ANTXR1: variants seen among roughly 807,000 people sequenced by gnomAD.
ANTXR1 encodes the protein anthrax toxin receptor 1.
In ANTXR1, 19 loss-of-function variants were observed where a neutral mutation model predicts 78.1. That is an observed-to-expected ratio of 0.24 (90% CI 0.17 to 0.36). The LOEUF (loss-of-function observed/expected upper bound fraction) is 0.36. Among genes scored for constraint, ANTXR1 ranks in the 10% least tolerant of loss-of-function variants. ANTXR1 has a pLI of 1.00. For missense variants in ANTXR1, 518 were observed against 718.6 expected (o/e 0.72, Z 3.19); for synonymous variants, 273 against 260.5 (o/e 1.05, Z -0.46).
chr2:69,059,553 A>G (rs2104156545), intron 3 of ANTXR1, among the ~76,000 whole-genome samples: 1 of 151,642 alleles, frequency 6.6e-6, no homozygotes, highest in East Asian at 1.9e-4. Context: ...ATCTTGGCTC[A>G]CTGCAACCTC....
intron 13 of ANTXR1, among the ~76,000 whole-genome samples, chr2:69,153,761 A>AG (rs920659403): frequency 2.0e-5 from 3 of 152,242 alleles, no homozygotes; most frequent in Admixed American, 2.0e-4. Flanking sequence ...TGGTAGCAGC[A>AG]GGCAGTGAAC....
At chr2:69,041,813 AG>A (rs1669623355) in intron 2 of ANTXR1, among the ~76,000 whole-genome samples, 1 of 152,176 alleles carries the variant, frequency 6.6e-6, no homozygotes, top group Non-Finnish European at 1.5e-5. Context: ...GAAGAAACCA[AG>A]GACCAGGGAG....
chr2:69,107,422 T>C (rs980875976), intron 10 of ANTXR1, among the ~76,000 whole-genome samples: 26 of 152,104 alleles, frequency 1.7e-4, no homozygotes, highest in African/African-American at 6.0e-4. Flanking sequence ...GTATTTTTTG[T>C]AGAGACAAGG....
In ANTXR1 at chr2:69,182,648, C is replaced by T. The variant is rs1345432670; in HGVS notation, c.1341C>T (p.Tyr447=). The part of the protein sequence containing the change: ...MRRPSSPRKW[Y]SPIKGKLDAL... ...GGCCTTCTTCCCCCCGGAAGTGGTA[C>T]TCTCCAATCAAGGTGTGTCTCTTTA... is the stretch of plus-strand genomic sequence containing the variant. Residue 447 remains tyrosine (Y), a synonymous_variant, in exon 16 of 18, where the codon TAC becomes TAT. Coordinates refer to ENST00000303714, the MANE Select transcript of ANTXR1 (RefSeq NM_032208.3). 1 of 1,614,156 alleles carries T rather than the reference C, an allele frequency of 6.2e-7. No individual in the cohort carries two copies. Among genetic ancestry groups the T allele is most frequent in the South Asian group, 1.1e-5 (1 of 91,072 alleles).
At chr2:69,036,660 A>G (rs1669437390) in intron 1 of ANTXR1, among the ~76,000 whole-genome samples, 1 of 152,190 alleles carries the variant, frequency 6.6e-6, no homozygotes, top group Middle Eastern at 3.4e-3. Context: ...TTCTGGTTGT[A>G]TGGACCAAAA....
At chr2:69,019,999 A>C (rs1241632516) in intron 1 of ANTXR1, among the ~76,000 whole-genome samples, 1 of 152,178 alleles carries the variant, frequency 6.6e-6, no homozygotes, top group African/African-American at 2.4e-5. Context: ...ATTTAGGTTG[A>C]TTTCATGTCT....
At chr2:69,102,374 A>G (rs1339282844) in intron 9 of ANTXR1, among the ~76,000 whole-genome samples, 1 of 152,252 alleles carries the variant, frequency 6.6e-6, no homozygotes, top group East Asian at 1.9e-4. Flanking sequence ...ACTTTCTAAA[A>G]TGTAGGCACC....
intron 13 of ANTXR1, among the ~76,000 whole-genome samples, chr2:69,168,577 C>T (rs573355276): frequency 6.6e-6 from 1 of 152,258 alleles, no homozygotes; most frequent in East Asian, 1.9e-4. Flanking sequence ...CATCCTGTTC[C>T]CCCTCTCACT....
intron 12 of ANTXR1, among the ~76,000 whole-genome samples, chr2:69,129,764 A>C (rs1437492746): frequency 6.6e-6 from 1 of 151,250 alleles, no homozygotes; most frequent in Non-Finnish European, 1.5e-5. Context: ...AAAAAAAAAG[A>C]GTGTATAAAT....
chr2:69,186,345 A>G (rs1380097443), intron 16 of ANTXR1, among the ~76,000 whole-genome samples: 2 of 152,222 alleles, frequency 1.3e-5, no homozygotes, highest in Non-Finnish European at 2.9e-5. Flanking sequence ...CTCAGGGTTC[A>G]TCCTATTTTA....
intron 12 of ANTXR1, among the ~76,000 whole-genome samples, chr2:69,138,593 A>G (rs1045038002): frequency 6.6e-6 from 1 of 152,216 alleles, no homozygotes; most frequent in African/African-American, 2.4e-5. Flanking sequence ...TAAGGCACCA[A>G]GGAAATGCGA....
intron 8 of ANTXR1, among the ~76,000 whole-genome samples, chr2:69,077,794 G>C (rs1259308882): frequency 1.3e-5 from 2 of 152,194 alleles, no homozygotes; most frequent in African/African-American, 4.8e-5. Flanking sequence ...GTTTACGCTT[G>C]ACCACCTCAG....
At chr2:69,117,691 AAAG>A (rs1484532239) in intron 10 of ANTXR1, among the ~76,000 whole-genome samples, 3 of 152,206 alleles carry the variant, frequency 2.0e-5, no homozygotes, top group Non-Finnish European at 4.4e-5. Flanking sequence ...CCCATGTAAT[AAAG>A]AAGAATAACA....
chr2:69,044,564 C>T (rs1267714094), intron 2 of ANTXR1, among the ~76,000 whole-genome samples, 178 bp from the exon 3 acceptor site: 1 of 152,170 alleles, frequency 6.6e-6, no homozygotes, highest in Admixed American at 6.5e-5. Context: ...TTGACCCACA[C>T]TTCAAGTCCA....
intron 10 of ANTXR1, among the ~76,000 whole-genome samples, chr2:69,111,436 C>G (rs1671974107): frequency 6.6e-6 from 1 of 152,150 alleles, no homozygotes; most frequent in South Asian, 2.1e-4. Context: ...CTAGACTATC[C>G]TAGTGTTGCA....
intron 6 of ANTXR1, 25 bp downstream of exon 6, chr2:69,073,126 A>G: frequency 3.7e-6 from 6 of 1,608,946 alleles, no homozygotes; most frequent in Non-Finnish European, 5.1e-6. Flanking sequence ...GGCTGTGTCT[A>G]AACATATACA....
At chr2:69,218,500 A>C (rs1204748874) in intron 17 of ANTXR1, among the ~76,000 whole-genome samples, 1 of 152,214 alleles carries the variant, frequency 6.6e-6, no homozygotes, top group Admixed American at 6.5e-5. Context: ...ATGCAGGTGT[A>C]GTTAGCCCTT....
At chr2:69,039,372 G>T (rs992402413) in intron 1 of ANTXR1, among the ~76,000 whole-genome samples, 5 of 152,152 alleles carry the variant, frequency 3.3e-5, no homozygotes, top group African/African-American at 1.2e-4. Flanking sequence ...ATGTCCTAGG[G>T]AAACAGTTTC....
chr2:69,124,735 G>T, intron 12 of ANTXR1, 92 bp downstream of exon 12: 1 of 1,471,522 alleles, frequency 6.8e-7, no homozygotes, highest in Non-Finnish European at 9.5e-7. Context: ...AGGTACCCTG[G>T]AAAGTTTTTT....
Sources: gnomAD v4.1 joint callset for allele counts (sites outside exome capture counted in the v4.1 genomes callset) on GRCh38, gnomAD v4.1.1 for gene constraint, MANE v1.5 for transcripts, NCBI Gene and HGNC (gene_info 2026-07-23, HGNC 2026-07-21) for gene names.